KIAA1210: variants seen among roughly 807,000 people sequenced by gnomAD.
KIAA1210 encodes KIAA1210.
In KIAA1210, 48 loss-of-function variants were observed where a neutral mutation model predicts 78.9. That is an observed-to-expected ratio of 0.61 (90% CI 0.48 to 0.77). The LOEUF (loss-of-function observed/expected upper bound fraction) is 0.77, where lower values mean the gene tolerates loss of function less well. Among genes scored for constraint, KIAA1210 ranks in the 30% least tolerant of loss-of-function variants. KIAA1210 has a pLI of 0.00. For missense variants in KIAA1210, 1,108 were observed against 1,100.0 expected (o/e 1.01, Z -0.10); for synonymous variants, 406 against 404.5 (o/e 1.00, Z -0.04).
At chrX:119,145,287 G>A (rs1472381155) in intron 2 of KIAA1210, among the ~76,000 whole-genome samples, 3 of 110,875 alleles carry the variant, frequency 2.7e-5, no homozygotes, top group Admixed American at 9.6e-5. Context: ...TTGGTAGGAG[G>A]TAGGGAGTGG....
intron 8 of KIAA1210, among the ~76,000 whole-genome samples, chrX:119,092,704 T>A (rs1390632819): frequency 9.2e-6 from 1 of 108,972 alleles, no homozygotes; most frequent in Non-Finnish European, 1.9e-5. Context: ...GAGGTTGCAG[T>A]GAGCCGAGAT....
chrX:119,086,757 A>G lies in KIAA1210; in HGVS notation c.3945T>C (p.Ser1315=), dbSNP rs3813932. The G allele has an allele frequency of 0.092, 111,020 of 1,207,145 alleles. 7,346 individuals are homozygous for G. Among genetic ancestry groups the G allele is most frequent in the East Asian group, 0.47 (15,694 of 33,648 alleles). The change falls in exon 9 of 12, where the codon AGT becomes AGC. Residue 1315 remains serine (S), a synonymous_variant. Transcript: ENST00000691062. ...GCTGGGTGAAGTTATCTTGTTTCTC[A>G]CTCTTATACTTCTGCGAGGGAGGGG... ...KRAPPSQKYK[S]EKQDNFTQLA... is the part of the protein sequence containing the mutation.
At chrX:119,092,166 T>C (rs1927387620) in intron 8 of KIAA1210, among the ~76,000 whole-genome samples, 1 of 112,043 alleles carries the variant, frequency 8.9e-6, no homozygotes, top group Non-Finnish European at 1.9e-5. Context: ...AAGAATTGCA[T>C]TGGTCCACAG....
intron 6 of KIAA1210, among the ~76,000 whole-genome samples, chrX:119,102,210 G>C (rs34243344): frequency 0.045 from 5,063 of 112,068 alleles, 301 homozygotes; most frequent in African/African-American, 0.16. Flanking sequence ...AATTTTTTTT[G>C]ATCTTTAATG....
intron 2 of KIAA1210, among the ~76,000 whole-genome samples, chrX:119,119,857 T>G: frequency 9.2e-6 from 1 of 108,611 alleles, no homozygotes; most frequent in Non-Finnish European, 1.9e-5. Context: ...GTGCCTGTAG[T>G]CCCAGCTACT....
In KIAA1210 at chrX:119,081,558, G is replaced by A. The variant is rs766720946; in HGVS notation, c.4427-54C>T. 5 of 1,101,081 alleles carry A rather than the reference G, an allele frequency of 4.5e-6. No individual in the cohort carries two copies. In the Admixed American group the frequency reaches 7.2e-5, roughly 16 times the overall value. The allele number at this position is 1,101,081 out of a possible 1,213,427, so 90.7% of individuals were successfully genotyped here. A position where few individuals can be genotyped will look rare whatever the true frequency, so the allele number is the denominator to read the frequency against. On this transcript the variant is annotated intron_variant, in intron 11 of 11. Coordinates refer to ENST00000691062, the MANE Select transcript of KIAA1210 (RefSeq NM_001394962.1). ...AATAAGGAACCCCAGCGATATTGGG[G>A]TATGTTGTTTATGGAATGCCATATA...
At position 119,090,352 on chromosome X, in the gene KIAA1210, A is replaced by T. The variant is rs185018707; in HGVS notation, c.956-606T>A. On this transcript the variant is annotated intron_variant, in intron 8 of 11. Coordinates refer to ENST00000691062, the MANE Select transcript of KIAA1210 (RefSeq NM_001394962.1). ...AGTGGCGCGATCTCGGCTCACTGCA[A>T]CCTCTGACTCCTGGGTTCAAGCAAT... Among the ~76,000 whole-genome samples the T allele has an allele frequency of 7.1e-3, 790 of 110,940 alleles. 3 individuals carry two copies. Among genetic ancestry groups the T allele is most frequent in the Middle Eastern group, 0.028 (6 of 217 alleles).
intron 6 of KIAA1210, among the ~76,000 whole-genome samples, chrX:119,097,926 A>G (rs1210636485): frequency 8.9e-6 from 1 of 111,943 alleles, no homozygotes; most frequent in Non-Finnish European, 1.9e-5. Flanking sequence ...GAATTTATAT[A>G]CTGCCTCTTC....
chrX:119,088,647 G>T lies in KIAA1210; in HGVS notation c.2055C>A (p.Asn685Lys), dbSNP rs1411952288. 1 of 1,211,442 alleles carries T rather than the reference G, an allele frequency of 8.3e-7. No homozygotes were observed. Among genetic ancestry groups the T allele is most frequent in the Non-Finnish European group, 1.1e-6 (1 of 895,321 alleles). Residue 685 changes from asparagine (N) to lysine (K), a missense_variant, in exon 9 of 12, where the codon AAC becomes AAA. Asn to Lys is a moderately conservative substitution (Grantham distance 94). This residue lies in a region of KIAA1210 where 672 missense variants were observed against 607.1 expected (regional missense o/e 1.11). Coordinates refer to ENST00000691062, the MANE Select transcript of KIAA1210 (RefSeq NM_001394962.1). ...CTGAGCTGCTGCAATCATCAGAAGT[G>T]TTGTACTTTTCAACATAACTGCTTG... ...TESSSYVEKY[N>K]TSDDCSSSEE...
chrX:119,087,027 A>G lies in KIAA1210; in HGVS notation c.3675T>C (p.Asp1225=). 2.5e-6 allele frequency: 3 copies of G among 1,211,424 alleles called. No homozygotes were observed. The East Asian group carries it at 8.9e-5, about 36-fold the overall frequency. The part of the protein sequence containing the change: ...SNSDNWFLGR[D]EAFAIKTKKF... ...TCTTGGTTTTGATTGCAAAAGCTTC[A>G]TCTCTTCCTAGGAACCAATTGTCAG... The change falls in exon 9 of 12, where the codon GAT becomes GAC. Residue 1225 remains aspartate, a synonymous_variant. Transcript: ENST00000691062.
chrX:119,093,904 G>T, intron 7 of KIAA1210, 129 bp from the exon 8 acceptor site: 1 of 872,374 alleles, frequency 1.1e-6, no homozygotes. Context: ...CTTTAAAGAT[G>T]GACGTTATTT....
intron 2 of KIAA1210, among the ~76,000 whole-genome samples, chrX:119,119,046 A>G (rs1210590885): frequency 8.9e-6 from 1 of 112,394 alleles, no homozygotes; most frequent in Non-Finnish European, 1.9e-5. Context: ...ACCACTGAAC[A>G]GAGTCATCCT....
chrX:119,127,268 A>G (rs1928674580), intron 1 of KIAA1210, among the ~76,000 whole-genome samples: 1 of 109,129 alleles, frequency 9.2e-6, no homozygotes, highest in Non-Finnish European at 1.9e-5. Context: ...CCCGTTAACC[A>G]CAATGTGGGG....
At chrX:119,130,158 A>T (rs2147194278), upstream of KIAA1210, among the ~76,000 whole-genome samples, 1 of 112,013 alleles carries the variant, frequency 8.9e-6, no homozygotes, top group African/African-American at 3.2e-5. Context: ...GCTGCCTGCA[A>T]GATAAAAGCC....
chrX:119,125,735 A>ATATATATATATATATATTT (rs5903546), intron 1 of KIAA1210, among the ~76,000 whole-genome samples: 2 of 15,792 alleles, frequency 1.3e-4, no homozygotes, highest in East Asian at 2.5e-3. Flanking sequence ...ATATATATAT[A>ATATATATATATATATATTT]TTTTTTTTTT....
chrX:119,088,128 G>A lies in KIAA1210; in HGVS notation c.2574C>T (p.Ile858=), dbSNP rs755675166. ...CTTCCTCAACAGCTGTGCTTTCTGA[G>A]ATTTGCCGGATTTGAGGATCTGTCA... ...QSLTDPQIRQ[I]SESTAVEEGT... Residue 858 remains isoleucine (I), a synonymous_variant, in exon 9 of 12, where the codon ATC becomes ATT. Coordinates refer to ENST00000691062, the MANE Select transcript of KIAA1210 (RefSeq NM_001394962.1). The A allele has an allele frequency of 1.2e-5, 14 of 1,209,800 alleles. No individual in the cohort carries two copies. Among genetic ancestry groups the A allele is most frequent in the Non-Finnish European group, 1.6e-5 (14 of 895,136 alleles).
chrX:119,134,983 G>T (rs1444230259), intron 2 of KIAA1210, among the ~76,000 whole-genome samples: 1 of 112,564 alleles, frequency 8.9e-6, no homozygotes, highest in Non-Finnish European at 1.9e-5. Context: ...TATTTTATGT[G>T]CATTATCTAA....
chrX:119,093,815 G>C (rs373097483), intron 7 of KIAA1210, 40 bp from the exon 8 acceptor site: 44 of 1,106,754 alleles, frequency 4.0e-5, no homozygotes, highest in Middle Eastern at 5.0e-4. Context: ...CTACTGAAGT[G>C]CTTTCCAACC....
Position 119,089,100 on chromosome X carries a change from A to G in KIAA1210, c.1602T>C (p.Phe534=), listed in dbSNP as rs765737017. ...TTTTGGATTGGGCCTTTTGTAAATC[A>G]AAGCTGAAAGCTTCTTGATCTTCTA... is the stretch of plus-strand genomic sequence containing the variant. ...IQLEDQEAFS[F]DLQKAQSKME... The change falls in exon 9 of 12, where the codon TTT becomes TTC. Residue 534 remains phenylalanine (F), a synonymous_variant. Transcript: ENST00000691062. 1.7e-6 allele frequency: 2 copies of G among 1,211,925 alleles called. No individual in the cohort carries two copies. The highest frequency in any genetic ancestry group is 1.8e-5 in the South Asian group (1 of 57,006).
Sources: gnomAD v4.1 joint callset for allele counts (sites outside exome capture counted in the v4.1 genomes callset) on GRCh38, gnomAD v4.1.1 for gene constraint, gnomAD v4.1.1 regional missense constraint, MANE v1.5 for transcripts, NCBI Gene and HGNC (gene_info 2026-07-23, HGNC 2026-07-21) for gene names.